The following MAP3K13 variants were observed in gnomAD, a reference collection of about 807,000 sequenced individuals.
MAP3K13 encodes leucine zipper-bearing kinase.
In MAP3K13, 52 loss-of-function variants were observed where a neutral mutation model predicts 104.0. The observed-to-expected ratio is 0.50, with a 90% CI of 0.40 to 0.63. The LOEUF (loss-of-function observed/expected upper bound fraction) is 0.63. Among genes scored for constraint, MAP3K13 ranks in the 20% least tolerant of loss-of-function variants. The pLI is 0.00. For missense variants in MAP3K13, 914 were observed against 1,218.5 expected (o/e 0.75, Z 3.72); for synonymous variants, 394 against 442.2 (o/e 0.89, Z 1.37).
chr3:185,454,574 GAT>G (rs1280420736), intron 7 of MAP3K13, among the ~76,000 whole-genome samples: 19 of 107,948 alleles, frequency 1.8e-4, no homozygotes, highest in East Asian at 5.1e-4. Flanking sequence ...TGATATATAT[GAT>G]ATATATATGA....
chr3:185,450,339 T>A lies in MAP3K13; in HGVS notation c.1169+281T>A, dbSNP rs1715813732. The stretch of plus-strand genomic sequence containing the variant: ...ATTATCTCAAAATAGTAGGCCTTGG[T>A]CAATGATAGCTACTATTTCTTTGCT... On this transcript the variant is annotated intron_variant, in intron 6 of 13. Transcript: ENST00000265026. The surrounding 1 kb of genome is among the most constrained non-coding windows in gnomAD (Gnocchi z 4.2). Among the ~76,000 whole-genome samples the A allele has an allele frequency of 6.6e-6, 1 of 152,234 alleles. No individual in the cohort carries two copies. The highest frequency in any genetic ancestry group is 2.4e-5 in the African/African-American group (1 of 41,464).
chr3:185,375,014 T>TA, intron 1 of MAP3K13, among the ~76,000 whole-genome samples: 1 of 152,252 alleles, frequency 6.6e-6, no homozygotes, highest in Non-Finnish European at 1.5e-5. Flanking sequence ...TCTATCCACT[T>TA]AGAGACTTAA....
chr3:185,346,173 A>G (rs190539081), intron 2 of MAP3K13, among the ~76,000 whole-genome samples: 131 of 152,326 alleles, frequency 8.6e-4, no homozygotes, highest in African/African-American at 3.1e-3. Context: ...CAAAACCCCA[A>G]TAACGCGTTT....
At chr3:185,297,113 A>C (rs574288233) in intron 2 of MAP3K13, among the ~76,000 whole-genome samples, 1 of 152,196 alleles carries the variant, frequency 6.6e-6, no homozygotes, top group African/African-American at 2.4e-5. Flanking sequence ...CTATTTAACT[A>C]TAAGACATTG....
At chr3:185,416,166 C>T (rs1286630281) in intron 1 of MAP3K13, among the ~76,000 whole-genome samples, 1 of 152,122 alleles carries the variant, frequency 6.6e-6, no homozygotes, top group East Asian at 1.9e-4. Context: ...ATGTTACAAG[C>T]TCAGCTTGCC....
intron 2 of MAP3K13, among the ~76,000 whole-genome samples, chr3:185,308,009 C>CTTTTTTTTTTTTTTTTTTTT (rs33949195): frequency 1.3e-4 from 4 of 31,568 alleles, no homozygotes; most frequent in African/African-American, 1.2e-4. Flanking sequence ...TCTTTGGGGT[C>CTTTTTTTTTTTTTTTTTTTT]TTTTTTTTTT....
At position 185,395,357 on chromosome 3, in the gene MAP3K13, C is replaced by T. The variant is rs369349434; in HGVS notation, c.-86+31989C>T. On this transcript the variant is annotated intron_variant, in intron 1 of 13. Transcript: ENST00000265026. The stretch of plus-strand genomic sequence containing the variant: ...AGGCATTTCTAATTCAATATTATTT[C>T]TTTTTTTTTTTTTTTTTTTGAGACG... Among the ~76,000 whole-genome samples the T allele has an allele frequency of 4.0e-3, 279 of 69,928 alleles. 3 individuals carry two copies. The highest frequency in any genetic ancestry group is 0.017 in the African/African-American group (249 of 14,470). The allele number at this position is 69,928 out of a possible 152,430, so 45.9% of individuals were successfully genotyped here.
intron 2 of MAP3K13, among the ~76,000 whole-genome samples, chr3:185,309,512 CAAAAAAAAA>C (rs66889332): frequency 9.5e-6 from 1 of 105,780 alleles, no homozygotes; most frequent in East Asian, 2.7e-4. Flanking sequence ...CCTTGTCTCA[CAAAAAAAAA>C]AAAAAAAAAG....
chr3:185,311,669 T>C (rs1721499582), intron 2 of MAP3K13, among the ~76,000 whole-genome samples: 1 of 152,212 alleles, frequency 6.6e-6, no homozygotes, highest in African/African-American at 2.4e-5. Flanking sequence ...TTAGTTATTG[T>C]CTAGGCTCCC....
rs1490239706 is a variant in MAP3K13, at chr3:185,473,970, A to G, written c.2430+209A>G. 6.6e-6 allele frequency among the ~76,000 whole-genome samples: 1 copy of G among 152,228 alleles called. No homozygotes were observed. Among genetic ancestry groups the G allele is most frequent in the Non-Finnish European group, 1.5e-5 (1 of 68,032 alleles). On this transcript the variant is annotated intron_variant, in intron 11 of 13. Coordinates refer to ENST00000265026, the MANE Select transcript of MAP3K13 (RefSeq NM_004721.5). The surrounding 1 kb of genome is among the most constrained non-coding windows in gnomAD (Gnocchi z 4.9). ...AACTACGGAATACACTTTAGCAACTACTGAACCAGAGGACTGAGTCAAGTG... is the reference window on the plus strand; with the variant it reads ...AACTACGGAATACACTTTAGCAACTGCTGAACCAGAGGACTGAGTCAAGTG...
At chr3:185,429,249 G>A (rs1321656454) in intron 2 of MAP3K13, among the ~76,000 whole-genome samples, 193 bp downstream of exon 2, 1 of 152,162 alleles carries the variant, frequency 6.6e-6, no homozygotes, top group Non-Finnish European at 1.5e-5. Flanking sequence ...TTTTTTGGTT[G>A]TAGCCCATCT....
intron 1 of MAP3K13, among the ~76,000 whole-genome samples, chr3:185,403,398 A>G (rs904319116): frequency 2.0e-5 from 3 of 152,254 alleles, no homozygotes; most frequent in African/African-American, 7.2e-5. Context: ...CATAAGGCAC[A>G]ACATAATGTA....
intron 1 of MAP3K13, among the ~76,000 whole-genome samples, chr3:185,404,462 A>G (rs984427619): frequency 3.9e-5 from 6 of 152,192 alleles, no homozygotes; most frequent in South Asian, 4.1e-4. Flanking sequence ...GCTGGTTTAC[A>G]TACGTCAGGC....
Position 185,482,524 on chromosome 3 carries a change from T to C in MAP3K13, c.*68T>C. 8.8e-7 allele frequency: 1 copy of C among 1,133,798 alleles called. No individual in the cohort carries two copies. Among genetic ancestry groups the C allele is most frequent in the Non-Finnish European group, 1.3e-6 (1 of 755,760 alleles). 70.2% of individuals were successfully genotyped at this position (1,133,798 alleles called of 1,614,324 possible). ...TTTCAGATCCACCCCACCCCCAGAC[T>C]CATCCCACTCTCTCCCAGCATTTTG... On this transcript the variant is annotated 3_prime_UTR_variant, in exon 14 of 14. Transcript: ENST00000265026. This position sits in a 1 kb window ranked among gnomAD's most constrained non-coding sequence, Gnocchi z 4.5.
At position 185,427,372 on chromosome 3, in the gene MAP3K13, G is replaced by GAA. The variant is rs369398926; in HGVS notation, c.-85-1117_-85-1116dup. Among the ~76,000 whole-genome samples the GAA allele has an allele frequency of 6.6e-3, 989 of 149,728 alleles. 11 individuals are homozygous for GAA. The highest frequency in any genetic ancestry group is 0.023 in the African/African-American group (922 of 40,816). On this transcript the variant is annotated intron_variant, in intron 1 of 13. Transcript: ENST00000265026. ...GAGCGAGACTCTGTCTCAAAAAAAA[G>GAA]AAAAAAAAACATACTTTGAATAAAT... is the stretch of plus-strand genomic sequence containing the variant.
intron 11 of MAP3K13, among the ~76,000 whole-genome samples, chr3:185,475,093 CAAA>C (rs972600527): frequency 7.2e-5 from 3 of 41,846 alleles, no homozygotes; most frequent in Admixed American, 2.6e-4. Flanking sequence ...GACCCCATCT[CAAA>C]AAAAAAAAAA....
intron 2 of MAP3K13, among the ~76,000 whole-genome samples, chr3:185,336,660 T>A (rs1722517405): frequency 6.6e-6 from 1 of 151,036 alleles, no homozygotes; most frequent in African/African-American, 2.4e-5. Context: ...AATAATGAGA[T>A]ATGGAAATGT....
At position 185,428,971 on chromosome 3, in the gene MAP3K13, T is replaced by C; in HGVS notation, c.390T>C (p.Phe130=). The C allele has an allele frequency of 6.2e-7, 1 of 1,614,170 alleles. No individual in the cohort carries two copies. The highest frequency in any genetic ancestry group is 8.5e-7 in the Non-Finnish European group (1 of 1,180,034). The change falls in exon 2 of 14, where the codon TTT becomes TTC. Residue 130 remains phenylalanine (F), a synonymous_variant. Coordinates refer to ENST00000265026, the MANE Select transcript of MAP3K13 (RefSeq NM_004721.5). ...GGTCAGGCAGTGGCAGTGGTGGGTT[T>C]CTTGAAGGACTATTTGGATGCTTAA... ...FSRSGSGSGG[F]LEGLFGCLRP...
chr3:185,305,385 A>G (rs766448988), intron 2 of MAP3K13, among the ~76,000 whole-genome samples: 1 of 151,716 alleles, frequency 6.6e-6, no homozygotes, highest in Non-Finnish European at 1.5e-5. Flanking sequence ...ATGTACAAAA[A>G]CTCTACTCCT....
Sources: gnomAD v4.1 joint callset for allele counts (sites outside exome capture counted in the v4.1 genomes callset) on GRCh38, gnomAD v4.1.1 for gene constraint, Gnocchi (gnomAD v3.1) non-coding constraint, MANE v1.5 for transcripts, NCBI Gene and HGNC (gene_info 2026-07-23, HGNC 2026-07-21) for gene names.